Variants in ADGRF4 observed in about 807,000 individuals in gnomAD.
ADGRF4 encodes G-protein coupled receptor PGR18.
A neutral mutation model predicts 58.5 loss-of-function variants in ADGRF4; 63 were observed. That is an observed-to-expected ratio of 1.08 (90% CI 0.88 to 1.33). The LOEUF (loss-of-function observed/expected upper bound fraction) is 1.33. ADGRF4 is among the 40% of genes most tolerant of loss of function. The pLI is 0.00. For synonymous variants in ADGRF4, 313 were observed against 295.4 expected, an observed-to-expected ratio of 1.06 and a Z score of -0.61; for missense variants, 931 against 843.9, an observed-to-expected ratio of 1.10 and a Z score of -1.28.
At position 47,710,796 on chromosome 6, in the gene ADGRF4, T is replaced by C; in HGVS notation, c.210T>C (p.Phe70=). Residue 70 remains phenylalanine, a synonymous_variant, in exon 4 of 10, where the codon TTT becomes TTC. Coordinates refer to ENST00000283303, the MANE Select transcript of ADGRF4 (RefSeq NM_153838.5). ...GCAGCCAGCCCTGTGCTAAGGACTT[T>C]CATGGAGAAATAGGATTTACATGTA... is the stretch of plus-strand genomic sequence containing the variant. ...SNCSQPCAKD[F]HGEIGFTCNQ... is the part of the protein sequence containing the mutation. The C allele has an allele frequency of 1.9e-6, 3 of 1,613,800 alleles. No individual in the cohort carries two copies. The highest frequency in any genetic ancestry group is 2.5e-6 in the Non-Finnish European group (3 of 1,179,776).
In ADGRF4 at chr6:47,708,225, C is replaced by T. The variant is rs760884027; in HGVS notation, c.95C>T (p.Ala32Val). ...SHYRSKIHLK[A>V]GDKLQSPEGK... ...CCATTGGGAATTTATATTTTTCAGG[C>T]TGGAGATAAACTTCAAAGCCCTGAA... Residue 32 changes from alanine to valine, a missense_variant and splice_region_variant, in exon 3 of 10, where the codon GCT becomes GTT. Coordinates refer to ENST00000283303, the MANE Select transcript of ADGRF4 (RefSeq NM_153838.5). The T allele has an allele frequency of 1.1e-5, 18 of 1,610,878 alleles. No homozygotes were observed. Among genetic ancestry groups the T allele is most frequent in the Admixed American group, 1.7e-5 (1 of 59,996 alleles).
chr6:47,702,537 C>A (rs1241324897), intron 1 of ADGRF4, among the ~76,000 whole-genome samples: 1 of 152,232 alleles, frequency 6.6e-6, no homozygotes. Context: ...GTGCCTGCTA[C>A]AAATGGTTGA....
At position 47,700,045 on chromosome 6, in the gene ADGRF4, G is replaced by A. The variant is rs190835029; in HGVS notation, c.-17+1251G>A. On this transcript the variant is annotated intron_variant, in intron 1 of 9. Transcript: ENST00000283303. ...ATGGTCTGGCCTGGGAGTAAGAGGC[G>A]AATTGCCACCTTGAAGACTGGCAAA... is the stretch of plus-strand genomic sequence containing the variant. Among the ~76,000 whole-genome samples the A allele has an allele frequency of 4.3e-3, 660 of 152,176 alleles. 3 individuals carry two copies. Among genetic ancestry groups the A allele is most frequent in the African/African-American group, 0.014 (575 of 41,492 alleles).
At position 47,712,583 on chromosome 6, in the gene ADGRF4, A is replaced by G. The variant is rs1328800437; in HGVS notation, c.527A>G (p.Asp176Gly). 6.3e-7 allele frequency: 1 copy of G among 1,581,112 alleles called. No individual in the cohort carries two copies. Among genetic ancestry groups the G allele is most frequent in the Non-Finnish European group, 8.7e-7 (1 of 1,150,048 alleles). ...AAAAATATTTCTACAGACTTGTCTG[A>G]TAATGTTACTCGAGAGAAAATGAAG... is the stretch of plus-strand genomic sequence containing the variant. ...LLKNISTDLS[D>G]NVTREKMKSY... Residue 176 changes from aspartate (D) to glycine (G), a missense_variant, in exon 5 of 10, where the codon GAT becomes GGT. Asp to Gly is a moderately conservative substitution (Grantham distance 94). Transcript: ENST00000283303.
At chr6:47,704,992 G>A (rs960392013) in intron 1 of ADGRF4, among the ~76,000 whole-genome samples, 8 of 152,034 alleles carry the variant, frequency 5.3e-5, no homozygotes, top group South Asian at 2.1e-4. Context: ...GCAGTGGTGC[G>A]ATCTCAGCTC....
At chr6:47,709,806 C>T (rs1240242460) in intron 3 of ADGRF4, among the ~76,000 whole-genome samples, 2 of 151,020 alleles carry the variant, frequency 1.3e-5, no homozygotes, top group Admixed American at 6.6e-5. Context: ...TCTAGCTCTC[C>T]TACTATAAAC....
chr6:47,716,069 C>T (rs1772010614), intron 6 of ADGRF4, among the ~76,000 whole-genome samples: 3 of 151,644 alleles, frequency 2.0e-5, no homozygotes. Flanking sequence ...ATGATCTCAT[C>T]CTTTCTTACT....
intron 1 of ADGRF4, among the ~76,000 whole-genome samples, chr6:47,705,391 G>A (rs1407947985): frequency 2.6e-5 from 4 of 151,994 alleles, no homozygotes; most frequent in Non-Finnish European, 4.4e-5. Flanking sequence ...ATCAATTTAC[G>A]GCCTACATGG....
At position 47,712,505 on chromosome 6, in the gene ADGRF4, T is replaced by C. The variant is rs747418743; in HGVS notation, c.449T>C (p.Val150Ala). The change falls in exon 5 of 10, where the codon GTG becomes GCG. Residue 150 changes from valine to alanine, a missense_variant. Physicochemically the swap from Val to Ala is moderately conservative, Grantham distance 64 (BLOSUM62 0). Transcript: ENST00000283303. The stretch of plus-strand genomic sequence containing the variant: ...GATTATGCCTGCATCACTGACATGG[T>C]GAAATCATCAGAAACAACATCTGGA... ...PFDYACITDM[V>A]KSSETTSGNI... The C allele has an allele frequency of 6.2e-7, 1 of 1,613,928 alleles. No homozygotes were observed. The highest frequency in any genetic ancestry group is 8.5e-7 in the Non-Finnish European group (1 of 1,179,800).
chr6:47,702,520 C>A (rs979851741), intron 1 of ADGRF4, among the ~76,000 whole-genome samples: 1 of 152,202 alleles, frequency 6.6e-6, no homozygotes, highest in African/African-American at 2.4e-5. Flanking sequence ...TTTTCTTTAA[C>A]CTTTTTGTGC....
In ADGRF4 at chr6:47,713,352, G is replaced by A. The variant is rs549170397; in HGVS notation, c.553-446G>A. Among the ~76,000 whole-genome samples the A allele has an allele frequency of 2.0e-5, 3 of 152,320 alleles. No homozygotes were observed. In the East Asian group the frequency reaches 5.8e-4, roughly 29 times the overall value. ...GGAGGTTCTGAGTTAAACAAAGTTA[G>A]GCAAGTTTCCATATGGCAGGACTTT... is the stretch of plus-strand genomic sequence containing the variant. On this transcript the variant is annotated intron_variant, in intron 5 of 9. Coordinates refer to ENST00000283303, the MANE Select transcript of ADGRF4 (RefSeq NM_153838.5).
At chr6:47,715,455 ATTC>A in intron 6 of ADGRF4, 2 of 308,282 alleles carry the variant, frequency 6.5e-6, no homozygotes, top group Non-Finnish European at 1.2e-5. Flanking sequence ...ATAGAGGACT[ATTC>A]TTTGGTCAGG....
At position 47,721,433 on chromosome 6, in the gene ADGRF4, C is replaced by T. The variant is rs1347193945; in HGVS notation, c.*228C>T. 5 of 152,208 alleles carry T rather than the reference C, an allele frequency of 3.3e-5. No homozygotes were observed. The highest frequency in any genetic ancestry group is 5.9e-5 in the Non-Finnish European group (4 of 68,056). 9.4% of individuals were successfully genotyped at this position (152,208 alleles called of 1,614,324 possible). On this transcript the variant is annotated 3_prime_UTR_variant, in exon 10 of 10. Coordinates refer to ENST00000283303, the MANE Select transcript of ADGRF4 (RefSeq NM_153838.5). ...TGATTTATGGACCCCTTAACCTACCCGTGCCCTGCAAGAGGCTGGCTTCTT... is the reference window on the plus strand; with the variant it reads ...TGATTTATGGACCCCTTAACCTACCTGTGCCCTGCAAGAGGCTGGCTTCTT...
chr6:47,720,017 A>G (rs1356224066), intron 9 of ADGRF4, among the ~76,000 whole-genome samples: 1 of 152,134 alleles, frequency 6.6e-6, no homozygotes, highest in Non-Finnish European at 1.5e-5. Flanking sequence ...GAATTTTCTC[A>G]GTATTGGGGA....
Position 47,708,215 on chromosome 6 carries a change from A to G in ADGRF4, c.94-9A>G, listed in dbSNP as rs1346062676. 12 of 1,609,308 alleles carry G rather than the reference A, an allele frequency of 7.5e-6. No homozygotes were observed. The East Asian group carries it at 2.5e-4, about 33-fold the overall frequency. On this transcript the variant is annotated splice_polypyrimidine_tract_variant and intron_variant, in intron 2 of 9. Coordinates refer to ENST00000283303, the MANE Select transcript of ADGRF4 (RefSeq NM_153838.5). The stretch of plus-strand genomic sequence containing the variant: ...GTAAAGAGGACCATTGGGAATTTAT[A>G]TTTTTCAGGCTGGAGATAAACTTCA...
At chr6:47,720,842 T>C (rs963443692) in intron 9 of ADGRF4, among the ~76,000 whole-genome samples, 1 of 152,140 alleles carries the variant, frequency 6.6e-6, no homozygotes, top group African/African-American at 2.4e-5. Context: ...ATGAGACTGG[T>C]TGAGCATATA....
chr6:47,704,187 A>G lies in ADGRF4; in HGVS notation c.-16-3043A>G, dbSNP rs115998216. On this transcript the variant is annotated intron_variant, in intron 1 of 9. Coordinates refer to ENST00000283303, the MANE Select transcript of ADGRF4 (RefSeq NM_153838.5). ...ACCTCCCAAGTAGCTAGGATTACAGATGCCCACCACCATGCCTCGCTAATT... is the reference window on the plus strand; with the variant it reads ...ACCTCCCAAGTAGCTAGGATTACAGGTGCCCACCACCATGCCTCGCTAATT... Among the ~76,000 whole-genome samples the G allele has an allele frequency of 4.3e-3, 657 of 151,876 alleles. 3 individuals carry two copies. Among genetic ancestry groups the G allele is most frequent in the African/African-American group, 0.014 (572 of 41,406 alleles).
At chr6:47,716,728 A>G in intron 6 of ADGRF4, 78 bp from the exon 7 acceptor site, 1 of 1,079,766 alleles carries the variant, frequency 9.3e-7, no homozygotes, top group Non-Finnish European at 1.4e-6. Flanking sequence ...GGAGGTATCT[A>G]GAAGAGCGGT....
At position 47,717,827 on chromosome 6, in the gene ADGRF4, C is replaced by A. The variant is rs554160168; in HGVS notation, c.2034+476C>A. On this transcript the variant is annotated intron_variant, in intron 8 of 9. Coordinates refer to ENST00000283303, the MANE Select transcript of ADGRF4 (RefSeq NM_153838.5). ...CTTTCCATTCTCCTTATTTGAGACTCTTTTGAGTAAACCATACTCTCTTGG... is the reference window on the plus strand; with the variant it reads ...CTTTCCATTCTCCTTATTTGAGACTATTTTGAGTAAACCATACTCTCTTGG... Among the ~76,000 whole-genome samples, 11 of 152,294 alleles carry A rather than the reference C, an allele frequency of 7.2e-5. No individual in the cohort carries two copies. The East Asian group carries it at 2.1e-3, about 29-fold the overall frequency.
Sources: gnomAD v4.1 joint callset for allele counts (sites outside exome capture counted in the v4.1 genomes callset) on GRCh38, gnomAD v4.1.1 for gene constraint, MANE v1.5 for transcripts, NCBI Gene and HGNC (gene_info 2026-07-23, HGNC 2026-07-21) for gene names.